The following SEPTIN11 variants were observed in gnomAD, a reference collection of about 807,000 sequenced individuals.
SEPTIN11 encodes the protein septin-11.
Under a neutral mutation model 51.4 loss-of-function variants are expected in SEPTIN11, and 25 were observed. The ratio of observed to expected loss-of-function variants is 0.49; its 90% confidence interval spans 0.35 to 0.68. SEPTIN11 has a LOEUF of 0.68. Ranked by LOEUF, SEPTIN11 falls within the 30% of genes least tolerant of loss-of-function variation. The pLI, the probability that SEPTIN11 is intolerant of heterozygous loss-of-function variation, is 0.00. For missense variants in SEPTIN11, 381 were observed against 520.8 expected, an observed-to-expected ratio of 0.73 and a Z score of 2.61; for synonymous variants, 174 against 184.1, an observed-to-expected ratio of 0.95 and a Z score of 0.44.
At chr4:77,018,940 G>A (rs1180206042) in intron 5 of SEPTIN11, among the ~76,000 whole-genome samples, 1 of 152,188 alleles carries the variant, frequency 6.6e-6, no homozygotes, top group Non-Finnish European at 1.5e-5. Context: ...TTACTTTATA[G>A]TTGCAAAGAC....
chr4:76,952,214 G>A (rs1378623151), intron 1 of SEPTIN11, among the ~76,000 whole-genome samples: 1 of 152,122 alleles, frequency 6.6e-6, no homozygotes, highest in Non-Finnish European at 1.5e-5. Context: ...AATCTACACT[G>A]CACCTTTAAA....
chr4:76,974,312 G>T (rs566049980), intron 1 of SEPTIN11, among the ~76,000 whole-genome samples: 1 of 152,210 alleles, frequency 6.6e-6, no homozygotes, highest in Admixed American at 6.5e-5. Flanking sequence ...ACTATTTAAA[G>T]GTCAGTGACT....
At chr4:77,039,055 C>A, downstream of SEPTIN11, 1 of 1,284,314 alleles carries the variant, frequency 7.8e-7, no homozygotes, top group Non-Finnish European at 1.0e-6. Context: ...CTGAACCTTT[C>A]TTTTTTCTCT....
At chr4:76,987,282 G>A (rs552247872) in intron 1 of SEPTIN11, among the ~76,000 whole-genome samples, 3 of 152,128 alleles carry the variant, frequency 2.0e-5, no homozygotes, top group South Asian at 2.1e-4. Flanking sequence ...GCCGCCTGGC[G>A]CTCTCTGTTC....
At chr4:77,011,683 T>C (rs1046380113) in intron 3 of SEPTIN11, 52 bp from the exon 4 acceptor site, 3 of 1,534,088 alleles carry the variant, frequency 2.0e-6, no homozygotes, top group African/African-American at 2.7e-5. Context: ...GAATGGAGGA[T>C]TGTCCTGTGA....
chr4:76,995,005 T>G (rs56063035), intron 1 of SEPTIN11, among the ~76,000 whole-genome samples: 75,697 of 143,464 alleles, frequency 0.53, 20,732 homozygotes, highest in Middle Eastern at 0.63. Flanking sequence ...TGAAGCTGGC[T>G]GAGCCCAGGA....
chr4:77,003,404 A>C (rs1359570994), intron 2 of SEPTIN11, among the ~76,000 whole-genome samples: 1 of 152,218 alleles, frequency 6.6e-6, no homozygotes, highest in Non-Finnish European at 1.5e-5. Context: ...GACTGGTATT[A>C]TTCAGTCATG....
At chr4:76,950,600 C>T (rs576540563) in intron 1 of SEPTIN11, among the ~76,000 whole-genome samples, 1 of 151,476 alleles carries the variant, frequency 6.6e-6, no homozygotes, top group Non-Finnish European at 1.5e-5. Flanking sequence ...GAGGCTGGGA[C>T]GCGAGGAAGA....
chr4:76,992,636 A>G (rs1228656808), intron 1 of SEPTIN11, among the ~76,000 whole-genome samples: 1 of 152,232 alleles, frequency 6.6e-6, no homozygotes, highest in Non-Finnish European at 1.5e-5. Context: ...GATAAATGTT[A>G]GCTGTTATTA....
chr4:77,016,643 T>TACAC (rs1332174061), intron 5 of SEPTIN11, among the ~76,000 whole-genome samples: 1 of 125,906 alleles, frequency 7.9e-6, no homozygotes, highest in African/African-American at 3.0e-5. Context: ...CATATATATA[T>TACAC]ATATATATAT....
Position 77,038,445 on chromosome 4 carries a change from T to C in SEPTIN11, c.*3933T>C. 1 of 968,056 alleles carries C rather than the reference T, an allele frequency of 1.0e-6. No individual in the cohort carries two copies. The highest frequency in any genetic ancestry group is 4.7e-5 in the South Asian group (1 of 21,200). 60.0% of individuals were successfully genotyped at this position (968,056 alleles called of 1,614,324 possible). On this transcript the variant is annotated 3_prime_UTR_variant, in exon 10 of 10. Coordinates refer to ENST00000264893, the MANE Select transcript of SEPTIN11 (RefSeq NM_018243.4). ...ATTTGTCTTTTTTAAACTAAAGTAA[T>C]TGTATTGATGTGAAGCATATCATTT... is the stretch of plus-strand genomic sequence containing the variant.
chr4:77,036,610 G>T lies in SEPTIN11; in HGVS notation c.*2098G>T. 1 of 1,452,118 alleles carries T rather than the reference G, an allele frequency of 6.9e-7. No homozygotes were observed. The highest frequency in any genetic ancestry group is 9.0e-7 in the Non-Finnish European group (1 of 1,112,622). The allele number at this position is 1,452,118 out of a possible 1,614,324, so 90.0% of individuals were successfully genotyped here. A position where few individuals can be genotyped will look rare whatever the true frequency, so the allele number is the denominator to read the frequency against. On this transcript the variant is annotated 3_prime_UTR_variant, in exon 10 of 10. Coordinates refer to ENST00000264893, the MANE Select transcript of SEPTIN11 (RefSeq NM_018243.4). The stretch of plus-strand genomic sequence containing the variant: ...TTTTCCCAGCAAAATAAATCATATG[G>T]CGAGTCAGGGAATAAAAAGTCAAAA...
At chr4:76,993,392 G>T (rs961717364) in intron 1 of SEPTIN11, among the ~76,000 whole-genome samples, 48 of 151,714 alleles carry the variant, frequency 3.2e-4, no homozygotes, top group African/African-American at 1.1e-3. Context: ...GTTTCCAGAT[G>T]TGTTAGTGTT....
chr4:76,987,866 A>C (rs1723126453), intron 1 of SEPTIN11: 1 of 970,870 alleles, frequency 1.0e-6, no homozygotes, highest in Non-Finnish European at 1.2e-6. Flanking sequence ...ACCTAAGATG[A>C]AGGGGTATGT....
chr4:76,972,096 A>G lies in SEPTIN11; in HGVS notation c.27+22166A>G, dbSNP rs562835959. Among the ~76,000 whole-genome samples the G allele has an allele frequency of 1.2e-4, 19 of 152,268 alleles. 1 individual carries two copies. The South Asian group carries it at 3.7e-3, about 30-fold the overall frequency. On this transcript the variant is annotated intron_variant, in intron 1 of 9. Coordinates refer to ENST00000264893, the MANE Select transcript of SEPTIN11 (RefSeq NM_018243.4). ...GCCATTTCTATTTATTTCTCTGCAA[A>G]TAACGTATTCACATCCTTACCTTCC...
At chr4:77,030,392 ATTTG>A in intron 8 of SEPTIN11, among the ~76,000 whole-genome samples, 1 of 151,952 alleles carries the variant, frequency 6.6e-6, no homozygotes, top group Middle Eastern at 3.4e-3. Context: ...CATGACACAT[ATTTG>A]TTTGTTTTCT....
rs1327433380 is a variant in SEPTIN11, at chr4:77,016,629, T to TATAC, written c.687+1613_687+1614insTACA. 4.9e-3 allele frequency among the ~76,000 whole-genome samples: 366 copies of TATAC among 74,044 alleles called. 23 individuals carry two copies. In the East Asian group the frequency reaches 0.11, roughly 23 times the overall value. 48.6% of individuals were successfully genotyped at this position (74,044 alleles called of 152,430 possible). On this transcript the variant is annotated intron_variant, in intron 5 of 9. Transcript: ENST00000264893. Reference sequence around the variant, plus strand: ...ATATATATACACATATATATATATATACACATATATATATATATATATATA... The same window carrying TATAC: ...ATATATATACACATATATATATATATATACACACATATATATATATATATATATA...
At chr4:77,025,630 A>G (rs1052366217) in intron 7 of SEPTIN11, among the ~76,000 whole-genome samples, 1 of 152,132 alleles carries the variant, frequency 6.6e-6, no homozygotes, top group African/African-American at 2.4e-5. Context: ...AATGACTGGA[A>G]ATATTAGTGA....
chr4:76,953,493 T>G (rs1560689268), intron 1 of SEPTIN11, among the ~76,000 whole-genome samples: 1 of 152,062 alleles, frequency 6.6e-6, no homozygotes, highest in Non-Finnish European at 1.5e-5. Flanking sequence ...GCCAATAAAA[T>G]GTTACTTTCC....
Sources: gnomAD v4.1 joint callset for allele counts (sites outside exome capture counted in the v4.1 genomes callset) on GRCh38, gnomAD v4.1.1 for gene constraint, MANE v1.5 for transcripts, NCBI Gene and HGNC (gene_info 2026-07-23, HGNC 2026-07-21) for gene names.